Variants in STAMBPL1 observed in about 807,000 individuals in gnomAD.
STAMBPL1 encodes the protein AMSH-like protease.
STAMBPL1 carries 44 observed loss-of-function variants against 52.9 expected under a neutral mutation model. The observed-to-expected ratio is 0.83, with a 90% CI of 0.65 to 1.07. The LOEUF (loss-of-function observed/expected upper bound fraction) is 1.07. Among genes scored for constraint, STAMBPL1 ranks in the 50% least tolerant of loss-of-function variants. The pLI is 0.00. For missense variants in STAMBPL1, 511 were observed against 520.8 expected, an observed-to-expected ratio of 0.98 and a Z score of 0.18; for synonymous variants, 164 against 177.3, an observed-to-expected ratio of 0.92 and a Z score of 0.60.
chr10:88,912,890 A>C, intron 5 of STAMBPL1: 1 of 526,366 alleles, frequency 1.9e-6, no homozygotes, highest in Non-Finnish European at 3.4e-6. Flanking sequence ...CTCTGGTAAA[A>C]TATCAGTGGA....
intron 9 of STAMBPL1, 32 bp from the exon 10 acceptor site, chr10:88,922,305 T>C: frequency 6.2e-7 from 1 of 1,607,666 alleles, no homozygotes; most frequent in Non-Finnish European, 8.5e-7. Flanking sequence ...TGATCCTTAA[T>C]TTTTCTATCT....
chr10:88,922,564 T>C, intron 10 of STAMBPL1, 128 bp downstream of exon 10: 1 of 750,934 alleles, frequency 1.3e-6, no homozygotes. Flanking sequence ...GAGTTTTATC[T>C]CAGAAAATTA....
At chr10:88,911,826 C>T (rs980026108) in intron 5 of STAMBPL1, among the ~76,000 whole-genome samples, 4 of 152,084 alleles carry the variant, frequency 2.6e-5, no homozygotes, top group Non-Finnish European at 5.9e-5. Flanking sequence ...AAATGTCCCT[C>T]AAGTGTGTAT....
intron 1 of STAMBPL1, among the ~76,000 whole-genome samples, chr10:88,890,534 T>G (rs1240648063): frequency 6.6e-6 from 1 of 152,136 alleles, no homozygotes; most frequent in African/African-American, 2.4e-5. Context: ...CACATGCAGG[T>G]GATAGATTGG....
chr10:88,894,272 C>A (rs1844758031), intron 1 of STAMBPL1, among the ~76,000 whole-genome samples: 1 of 152,170 alleles, frequency 6.6e-6, no homozygotes, highest in Non-Finnish European at 1.5e-5. Flanking sequence ...TCAACTACCT[C>A]CTATTGGAGA....
intron 1 of STAMBPL1, chr10:88,881,978 A>G (rs1275834060): frequency 6.6e-6 from 1 of 152,256 alleles, no homozygotes; most frequent in African/African-American, 2.4e-5. Context: ...ATTGGAATCT[A>G]CCTGCAAAAT....
chr10:88,888,989 T>C (rs1844610225), intron 1 of STAMBPL1, among the ~76,000 whole-genome samples: 2 of 152,298 alleles, frequency 1.3e-5, no homozygotes, highest in Middle Eastern at 3.4e-3. Flanking sequence ...AAAATTCCAG[T>C]ATACTTAATG....
At chr10:88,911,527 G>A (rs573967732) in intron 5 of STAMBPL1, among the ~76,000 whole-genome samples, 1 of 152,316 alleles carries the variant, frequency 6.6e-6, no homozygotes, top group South Asian at 2.1e-4. Context: ...TTAATAAAGA[G>A]TGAACATTAT....
At chr10:88,918,285 A>ACT (rs1845419533) in intron 8 of STAMBPL1, among the ~76,000 whole-genome samples, 1 of 144,864 alleles carries the variant, frequency 6.9e-6, no homozygotes, top group African/African-American at 2.6e-5. Context: ...CAGCATGCAC[A>ACT]CACACACACA....
chr10:88,900,495 A>G (rs1844918073), intron 1 of STAMBPL1, among the ~76,000 whole-genome samples: 1 of 152,210 alleles, frequency 6.6e-6, no homozygotes, highest in African/African-American at 2.4e-5. Context: ...AGTTGTCTCA[A>G]CTATAAAATA....
intron 2 of STAMBPL1, among the ~76,000 whole-genome samples, chr10:88,903,583 T>C (rs1844999903): frequency 2.0e-5 from 3 of 152,226 alleles, no homozygotes; most frequent in Admixed American, 2.0e-4. Context: ...TAGAGAACAT[T>C]CTGATTTTCA....
chr10:88,918,811 T>G (rs1166306667), intron 8 of STAMBPL1, among the ~76,000 whole-genome samples: 1 of 152,198 alleles, frequency 6.6e-6, no homozygotes, highest in African/African-American at 2.4e-5. Context: ...TCAATGTTAG[T>G]TTATCTAACA....
intron 1 of STAMBPL1, chr10:88,882,598 C>T (rs1175128866): frequency 6.6e-6 from 1 of 152,152 alleles, no homozygotes; most frequent in Non-Finnish European, 1.5e-5. Flanking sequence ...TAGATTCCGT[C>T]CAGGAAGTGC....
chr10:88,902,151 G>C (rs935868746), intron 2 of STAMBPL1, among the ~76,000 whole-genome samples: 7 of 152,102 alleles, frequency 4.6e-5, no homozygotes, highest in Non-Finnish European at 1.0e-4. Context: ...TTGGATCCTC[G>C]TGTAAATGTC....
chr10:88,901,592 GTTTGGGATTTC>G, intron 1 of STAMBPL1, 53 bp from the exon 2 acceptor site: 1 of 970,750 alleles, frequency 1.0e-6, no homozygotes, highest in Non-Finnish European at 1.6e-6. Context: ...TAACCCTGGG[GTTTGGGATTTC>G]AAACTTGGGT....
At chr10:88,912,292 C>A (rs1412205339) in intron 5 of STAMBPL1, 1 of 152,210 alleles carries the variant, frequency 6.6e-6, no homozygotes, top group Non-Finnish European at 1.5e-5. Flanking sequence ...ATGCTACCGC[C>A]ATCTTACAGT....
At chr10:88,914,693 T>TAAAA in intron 7 of STAMBPL1, 35 bp downstream of exon 7, 3 of 969,568 alleles carry the variant, frequency 3.1e-6, no homozygotes, top group Non-Finnish European at 2.7e-6. Context: ...TATATATATA[T>TAAAA]ATCTGCATAG....
chr10:88,885,867 A>G (rs1232444169), intron 1 of STAMBPL1, among the ~76,000 whole-genome samples: 1 of 152,218 alleles, frequency 6.6e-6, no homozygotes. Context: ...GCCATCACTG[A>G]TTCCAATATT....
intron 1 of STAMBPL1, among the ~76,000 whole-genome samples, chr10:88,893,584 A>G (rs531018532): frequency 1.3e-5 from 2 of 152,294 alleles, no homozygotes; most frequent in Admixed American, 6.5e-5. Flanking sequence ...TCTACTAAAA[A>G]TACAAAATTA....
Sources: allele counts gnomAD v4.1 joint callset (sites outside exome capture counted in the v4.1 genomes callset), GRCh38; gene constraint gnomAD v4.1.1; transcripts MANE v1.5; gene names NCBI Gene and HGNC (gene_info 2026-07-23, HGNC 2026-07-21).